Variants in NIN observed in about 807,000 individuals in gnomAD.
NIN encodes glycogen synthase kinase 3 beta-interacting protein.
A neutral mutation model predicts 257.6 loss-of-function variants in NIN; 137 were observed. The observed-to-expected ratio is 0.53, with a 90% CI of 0.46 to 0.61. The LOEUF (loss-of-function observed/expected upper bound fraction) is 0.61, where lower values mean the gene tolerates loss of function less well. Ranked by LOEUF, NIN falls within the 20% of genes least tolerant of loss-of-function variation. The probability of loss-of-function intolerance (pLI) is 0.00; values close to 1 mark genes in which losing one functional copy is unlikely to be tolerated. For synonymous variants in NIN, 918 were observed against 919.8 expected (o/e 1.00, Z 0.04); for missense variants, 2,439 against 2,501.2 (o/e 0.98, Z 0.53).
At chr14:50,759,628 G>C (rs1348473680) in intron 17 of NIN, among the ~76,000 whole-genome samples, 1 of 152,060 alleles carries the variant, frequency 6.6e-6, no homozygotes, top group Non-Finnish European at 1.5e-5. Context: ...AGAGTAGCTG[G>C]GACTACAGGC....
At chr14:50,813,082 G>C (rs975096239) in intron 3 of NIN, among the ~76,000 whole-genome samples, 2 of 152,184 alleles carry the variant, frequency 1.3e-5, no homozygotes, top group Non-Finnish European at 2.9e-5. Context: ...CAATGCTCAT[G>C]AATACTGATG....
intron 3 of NIN, among the ~76,000 whole-genome samples, chr14:50,811,918 C>T (rs1054098277): frequency 6.6e-6 from 1 of 150,402 alleles, no homozygotes; most frequent in Non-Finnish European, 1.5e-5. Flanking sequence ...GGTGTGAACC[C>T]GGGAGGCGGA....
intron 12 of NIN, among the ~76,000 whole-genome samples, chr14:50,768,101 A>ATT: frequency 7.4e-6 from 1 of 135,506 alleles, no homozygotes; most frequent in Admixed American, 7.2e-5. Flanking sequence ...ACACACACAG[A>ATT]CGTGCCATTT....
At chr14:50,825,391 T>C (rs758413543) in intron 2 of NIN, among the ~76,000 whole-genome samples, 12 of 152,324 alleles carry the variant, frequency 7.9e-5, no homozygotes, top group Middle Eastern at 3.4e-3. Flanking sequence ...AAGCAGGTTA[T>C]TGATAAATTT....
intron 26 of NIN, among the ~76,000 whole-genome samples, chr14:50,738,811 G>C (rs2041130380): frequency 6.6e-6 from 1 of 152,184 alleles, no homozygotes; most frequent in Non-Finnish European, 1.5e-5. Flanking sequence ...TCCTCAAAAG[G>C]GGTGTTAAGC....
Position 50,804,560 on chromosome 14 carries a change from G to A in NIN, c.265+2177C>T, listed in dbSNP as rs534149600. On this transcript the variant is annotated intron_variant, in intron 4 of 30. Coordinates refer to ENST00000530997, the MANE Select transcript of NIN (RefSeq NM_020921.4). Reference sequence around the variant, plus strand: ...AAAAATCCCTTCTGTGTGTCTTCCCGGAAGACTTGTCCAAATTATGATCTT... The same window carrying A: ...AAAAATCCCTTCTGTGTGTCTTCCCAGAAGACTTGTCCAAATTATGATCTT... Among the ~76,000 whole-genome samples, 82 of 152,264 alleles carry A rather than the reference G, an allele frequency of 5.4e-4. 2 individuals carry two copies. The South Asian group carries it at 0.014, about 27-fold the overall frequency.
Position 50,762,466 on chromosome 14 carries a change from T to A in NIN, c.1775-555A>T, listed in dbSNP as rs139867733. ...CCTAGAGTGTGGGTAGATCCCCATT[T>A]TATCTTATCAGCTATTATTGGCTAA... On this transcript the variant is annotated intron_variant, in intron 15 of 30. Transcript: ENST00000530997. 1.1e-3 allele frequency among the ~76,000 whole-genome samples: 162 copies of A among 152,324 alleles called. 1 individual carries two copies. Among genetic ancestry groups the A allele is most frequent in the African/African-American group, 3.7e-3 (153 of 41,574 alleles).
At position 50,759,883 on chromosome 14, in the gene NIN, C is replaced by A. The variant is rs371901139; in HGVS notation, c.2373G>T (p.Lys791Asn). The change falls in exon 17 of 31, where the codon AAG becomes AAT. Residue 791 changes from lysine (K) to asparagine (N), a missense_variant. Around this residue, in one of 3 missense-constraint regions of NIN, gnomAD observed 2,043 missense variants for 2,050.2 expected, o/e 1.00. Coordinates refer to ENST00000530997, the MANE Select transcript of NIN (RefSeq NM_020921.4). ...TTCCCTCCTGAAGCTCCCTTTGGTG[C>A]TTTTCCAAGAGCTCTTTTCTTAACT... The part of the protein sequence containing the change: ...KEELRKELLE[K>N]HQRELQEGRE... The A allele has an allele frequency of 5.0e-6, 8 of 1,612,028 alleles. No homozygotes were observed. Among genetic ancestry groups the A allele is most frequent in the Non-Finnish European group, 5.9e-6 (7 of 1,179,414 alleles).
intron 3 of NIN, among the ~76,000 whole-genome samples, chr14:50,815,495 A>G (rs563241160): frequency 6.6e-6 from 1 of 152,330 alleles, no homozygotes; most frequent in Admixed American, 6.5e-5. Context: ...TTCCTCAAAG[A>G]TCTAGAGGCA....
At chr14:50,737,609 CTTCT>C (rs1178979089) in intron 27 of NIN, among the ~76,000 whole-genome samples, 2 of 147,964 alleles carry the variant, frequency 1.4e-5, no homozygotes, top group African/African-American at 5.0e-5. Flanking sequence ...GATTAATTGC[CTTCT>C]TTAAGAAGCT....
At chr14:50,770,337 A>G in intron 12 of NIN, 51 bp downstream of exon 12, 1 of 1,561,074 alleles carries the variant, frequency 6.4e-7, no homozygotes. Flanking sequence ...GTAGTTTTCC[A>G]CGTGGTGTTC....
In NIN at chr14:50,759,740, C is replaced by T. The variant is rs1306917141; in HGVS notation, c.2399+117G>A. On this transcript the variant is annotated intron_variant, in intron 17 of 30. Coordinates refer to ENST00000530997, the MANE Select transcript of NIN (RefSeq NM_020921.4). ...TCCTGACCTCGTGATCCGCCCACCTCGGCCTCCCAGAGTGCTGGGATTACA... is the reference window on the plus strand; with the variant it reads ...TCCTGACCTCGTGATCCGCCCACCTTGGCCTCCCAGAGTGCTGGGATTACA... 9.4e-6 allele frequency: 10 copies of T among 1,063,490 alleles called. No homozygotes were observed. The East Asian group carries it at 9.6e-5, about 10-fold the overall frequency. The allele number at this position is 1,063,490 out of a possible 1,614,324, so 65.9% of individuals were successfully genotyped here.
At chr14:50,814,589 T>C (rs549998517) in intron 3 of NIN, among the ~76,000 whole-genome samples, 3 of 152,252 alleles carry the variant, frequency 2.0e-5, no homozygotes, top group Non-Finnish European at 2.9e-5. Flanking sequence ...GCCAAGACAA[T>C]CCTAAGCAAA....
intron 5 of NIN, among the ~76,000 whole-genome samples, chr14:50,787,700 A>C (rs558102622): frequency 6.6e-6 from 1 of 152,360 alleles, no homozygotes; most frequent in South Asian, 2.1e-4. Context: ...CCAAATAAAC[A>C]CATGAAATTG....
At chr14:50,748,138 C>T in intron 21 of NIN, 33 bp from the exon 22 acceptor site, 1 of 1,441,596 alleles carries the variant, frequency 6.9e-7, no homozygotes, top group Non-Finnish European at 9.7e-7. Context: ...AAATAACAGA[C>T]ATACATATTT....
chr14:50,729,746 T>C (rs1459726688), intron 28 of NIN, 23 bp from the exon 29 acceptor site: 2 of 1,552,924 alleles, frequency 1.3e-6, no homozygotes, highest in Non-Finnish European at 1.7e-6. Flanking sequence ...GGCAAAGCCC[T>C]GTTCAGCTGA....
At chr14:50,725,671 G>T (rs887938318) in intron 30 of NIN, among the ~76,000 whole-genome samples, 42 of 151,644 alleles carry the variant, frequency 2.8e-4, no homozygotes, top group African/African-American at 9.4e-4. Flanking sequence ...GATTTTTTTT[G>T]ATCTTTAAAA....
At chr14:50,759,781 G>A (rs1487611509) in intron 17 of NIN, 76 bp downstream of exon 17, 24 of 1,482,696 alleles carry the variant, frequency 1.6e-5, no homozygotes, top group South Asian at 1.2e-4. Flanking sequence ...GAGCCACCGC[G>A]CCCAGCCACA....
Position 50,757,270 on chromosome 14 carries a change from C to A in NIN, c.3760G>T (p.Asp1254Tyr). The change falls in exon 18 of 31, where the codon GAT (aspartate) becomes TAT (tyrosine). Residue 1254 changes from aspartate to tyrosine, a missense_variant. By Grantham distance (160) the Asp-to-Tyr change is radical (BLOSUM62 -3). Coordinates refer to ENST00000530997, the MANE Select transcript of NIN (RefSeq NM_020921.4). ...ASPKYKLLYE[D>Y]VSRENDCLQE... ...AGGCAGTCATTTTCTCGGCTCACAT[C>A]TTCATACAACAGCTTATATTTGGGA... 6.2e-7 allele frequency: 1 copy of A among 1,614,164 alleles called. No homozygotes were observed.
Sources: gnomAD v4.1 joint callset for allele counts (sites outside exome capture counted in the v4.1 genomes callset) on GRCh38, gnomAD v4.1.1 for gene constraint, gnomAD v4.1.1 regional missense constraint, MANE v1.5 for transcripts, NCBI Gene and HGNC (gene_info 2026-07-23, HGNC 2026-07-21) for gene names.